The following NFASC variants were observed in gnomAD, a reference collection of about 807,000 sequenced individuals.
NFASC encodes the protein neurofascin.
A neutral mutation model predicts 147.5 loss-of-function variants in NFASC; 43 were observed. The ratio of observed to expected loss-of-function variants is 0.29; its 90% CI spans 0.23 to 0.38. The LOEUF is 0.38. Ranked by LOEUF, NFASC falls within the 10% of genes least tolerant of loss-of-function variation. NFASC has a pLI of 1.00. For synonymous variants in NFASC, 622 were observed against 665.5 expected, an observed-to-expected ratio of 0.93 and a Z score of 1.01; for missense variants, 1,320 against 1,689.0, an observed-to-expected ratio of 0.78 and a Z score of 3.83.
chr1:204,999,217 T>C (rs1036635406), intron 25 of NFASC: 14 of 152,184 alleles, frequency 9.2e-5, no homozygotes, highest in Non-Finnish European at 1.3e-4. Flanking sequence ...TTCTCGGTGT[T>C]GATATTTCAC....
intron 2 of NFASC, among the ~76,000 whole-genome samples, chr1:204,937,398 A>C (rs539588910): frequency 7.2e-5 from 11 of 152,234 alleles, no homozygotes; most frequent in Non-Finnish European, 1.3e-4. Context: ...AGTATCTACT[A>C]TTAGGGCATC....
chr1:204,963,181 G>A (rs2150145298), intron 8 of NFASC, among the ~76,000 whole-genome samples: 1 of 152,314 alleles, frequency 6.6e-6, no homozygotes, highest in East Asian at 1.9e-4. Flanking sequence ...AGGGAGAGAG[G>A]CAAAGGCTCT....
At chr1:204,917,519 G>A (rs527583131) in intron 1 of NFASC, among the ~76,000 whole-genome samples, 7 of 152,276 alleles carry the variant, frequency 4.6e-5, no homozygotes, top group African/African-American at 1.7e-4. Context: ...TTTCAAAGTA[G>A]TGAGGCATTT....
In NFASC at chr1:204,944,508, T is replaced by G. The variant is rs74138666; in HGVS notation, c.91+102T>G. ...GAAAGTTCAGATAATCCAAGGAGAT[T>G]GAGGAGAGGGGACGCAGTGGATTCT... On this transcript the variant is annotated intron_variant, in intron 3 of 29. Coordinates refer to ENST00000339876, the MANE Select transcript of NFASC (RefSeq NM_001005388.3). 4,120 of 898,000 alleles carry G rather than the reference T, an allele frequency of 4.6e-3. 158 individuals carry two copies. The African/African-American group carries it at 0.063, about 14-fold the overall frequency. The allele number at this position is 898,000 out of a possible 1,614,324, so 55.6% of individuals were successfully genotyped here.
chr1:205,012,088 G>C (rs528116386), intron 28 of NFASC, among the ~76,000 whole-genome samples: 2 of 152,350 alleles, frequency 1.3e-5, no homozygotes, highest in South Asian at 2.1e-4. Flanking sequence ...TTTCATGTAA[G>C]TGCCCGCTGT....
chr1:204,970,603 T>G lies in NFASC; in HGVS notation c.1004-13T>G. On this transcript the variant is annotated splice_polypyrimidine_tract_variant and intron_variant, in intron 10 of 29. Coordinates refer to ENST00000339876, the MANE Select transcript of NFASC (RefSeq NM_001005388.3). ...CATCTAACTCCCCTGCCTGTGTCTG[T>G]CTTGTCTTCCAGCTGCTCCCTACTG... The G allele has an allele frequency of 6.2e-7, 1 of 1,613,586 alleles. No individual in the cohort carries two copies. The highest frequency in any genetic ancestry group is 8.5e-7 in the Non-Finnish European group (1 of 1,180,024).
intron 23 of NFASC, 125 bp from the exon 24 acceptor site, chr1:204,991,167 C>T (rs2095723582): frequency 8.6e-7 from 1 of 1,156,146 alleles, no homozygotes; most frequent in Non-Finnish European, 1.3e-6. Flanking sequence ...ACGCCGTCTG[C>T]ATAAGGTTTG....
At chr1:204,961,438 C>T (rs1294397666) in intron 8 of NFASC, among the ~76,000 whole-genome samples, 1 of 152,244 alleles carries the variant, frequency 6.6e-6, no homozygotes, top group Non-Finnish European at 1.5e-5. Flanking sequence ...GATGTTCTCC[C>T]CACCTCACTG....
chr1:204,881,692 A>G (rs2080274457), intron 1 of NFASC, among the ~76,000 whole-genome samples: 2 of 152,208 alleles, frequency 1.3e-5, no homozygotes, highest in African/African-American at 2.4e-5. Flanking sequence ...GGAAAAACCC[A>G]TCAGTCCCTT....
In NFASC at chr1:204,981,856, G is replaced by A. The variant is rs747069817; in HGVS notation, c.2306G>A (p.Arg769Gln). The A allele has an allele frequency of 5.0e-5, 80 of 1,602,014 alleles. No individual in the cohort carries two copies. The highest frequency in any genetic ancestry group is 6.4e-5 in the Non-Finnish European group (75 of 1,174,450). ...PNLRYIVKWR[R>Q]RETREAWNNV... The stretch of plus-strand genomic sequence containing the variant: ...CTGCGCTACATTGTCAAGTGGAGGC[G>A]GAGAGAGACTCGAGAGGCCTGGAAC... The change falls in exon 21 of 30, where the codon CGG (arginine) becomes CAG (glutamine). Residue 769 changes from arginine (R) to glutamine (Q), a missense_variant. Around this residue, in one of 3 missense-constraint regions of NFASC, gnomAD observed 981 missense variants for 1,289.5 expected, o/e 0.76. Coordinates refer to ENST00000339876, the MANE Select transcript of NFASC (RefSeq NM_001005388.3).
chr1:204,899,420 A>AG (rs35740789), intron 1 of NFASC, among the ~76,000 whole-genome samples: 48,606 of 152,082 alleles, frequency 0.32, 13,888 homozygotes, highest in East Asian at 0.8. Context: ...GGCAACACTC[A>AG]GCATCTCTCT....
chr1:204,933,067 C>G (rs567176822), intron 2 of NFASC, among the ~76,000 whole-genome samples: 1 of 152,016 alleles, frequency 6.6e-6, no homozygotes, highest in Non-Finnish European at 1.5e-5. Flanking sequence ...CCTGCAGGAG[C>G]CTGATCTCCA....
At position 205,003,724 on chromosome 1, in the gene NFASC, C is replaced by T. The variant is rs1245056055; in HGVS notation, c.3289+976C>T. On this transcript the variant is annotated intron_variant, in intron 27 of 29. Transcript: ENST00000339876. ...AAAAACACACAGTGATTTACATGAA[C>T]TTCTGAATGTTGACTTAAATATTCA... Among the ~76,000 whole-genome samples, 2 of 152,202 alleles carry T rather than the reference C, an allele frequency of 1.3e-5. 1 individual carries two copies. The highest frequency in any genetic ancestry group is 2.9e-5 in the Non-Finnish European group (2 of 68,024).
intron 1 of NFASC, among the ~76,000 whole-genome samples, chr1:204,845,492 C>G (rs56709642): frequency 0.053 from 8,049 of 151,988 alleles, 609 homozygotes; most frequent in African/African-American, 0.17. Flanking sequence ...TAAAGGACAA[C>G]TGCAAATGGC....
intron 1 of NFASC, among the ~76,000 whole-genome samples, chr1:204,830,543 C>T (rs1671905044): frequency 6.6e-6 from 1 of 152,026 alleles, no homozygotes; most frequent in Admixed American, 6.6e-5. Flanking sequence ...GGAGTAATTT[C>T]TCCCCTTGTC....
intron 25 of NFASC, chr1:204,997,712 G>T: frequency 2.0e-6 from 1 of 492,036 alleles, no homozygotes; most frequent in South Asian, 2.1e-5. Context: ...CTTGGGCAGG[G>T]CCCCCAGGTT....
intron 2 of NFASC, among the ~76,000 whole-genome samples, chr1:204,937,047 T>TA (rs35500681): frequency 0.33 from 50,318 of 152,178 alleles, 9,905 homozygotes; most frequent in Non-Finnish European, 0.45. Context: ...AGTGCCTTCT[T>TA]ACCATTCAGG....
chr1:204,877,023 TATATA>T (rs1269417535), intron 1 of NFASC, among the ~76,000 whole-genome samples: 11 of 101,658 alleles, frequency 1.1e-4, no homozygotes, highest in African/African-American at 2.7e-4. Context: ...TATATATATA[TATATA>T]ATATATATTT....
intron 1 of NFASC, among the ~76,000 whole-genome samples, chr1:204,910,272 T>G (rs958306801): frequency 1.2e-4 from 19 of 152,314 alleles, no homozygotes; most frequent in African/African-American, 4.3e-4. Flanking sequence ...CTGTGTAGTT[T>G]TAGCATACAT....
Sources: allele counts gnomAD v4.1 joint callset (sites outside exome capture counted in the v4.1 genomes callset), GRCh38; gene constraint gnomAD v4.1.1; regional missense constraint gnomAD v4.1.1; transcripts MANE v1.5; gene names NCBI Gene and HGNC (gene_info 2026-07-23, HGNC 2026-07-21).